RFXANK: variants seen among roughly 807,000 people sequenced by gnomAD.
RFXANK encodes DNA-binding protein RFXANK.
A neutral mutation model predicts 34.5 loss-of-function variants in RFXANK; 19 were observed. The observed-to-expected ratio is 0.55, with a 90% CI of 0.38 to 0.81. The LOEUF (loss-of-function observed/expected upper bound fraction) is 0.81. RFXANK is among the 30% of genes least tolerant of loss of function. RFXANK has a pLI of 0.00. For synonymous variants in RFXANK, 154 were observed against 149.8 expected, an observed-to-expected ratio of 1.03 and a Z score of -0.20; for missense variants, 295 against 343.5, an observed-to-expected ratio of 0.86 and a Z score of 1.12.
chr19:19,192,405 C>A lies in RFXANK; in HGVS notation c.-299C>A. On this transcript the variant is annotated 5_prime_UTR_variant, in exon 1 of 10. Coordinates refer to ENST00000303088, the MANE Select transcript of RFXANK (RefSeq NM_003721.4). ...GAAGAACTCTCTCCCTTTCTGAACC[C>A]CCTTTTCCTTGAGAGACGAGTTGGG... The A allele has an allele frequency of 1.8e-6, 1 of 541,712 alleles. No individual in the cohort carries two copies. Among genetic ancestry groups the A allele is most frequent in the Non-Finnish European group, 3.3e-6 (1 of 301,912 alleles). 33.6% of individuals were successfully genotyped at this position (541,712 alleles called of 1,614,324 possible).
intron 9 of RFXANK, 173 bp from the exon 10 acceptor site, chr19:19,201,476 A>AG: frequency 6.3e-7 from 1 of 1,579,712 alleles, no homozygotes; most frequent in Non-Finnish European, 8.5e-7. Context: ...TTACAAACTT[A>AG]GGGGAAGTTG....
intron 9 of RFXANK, among the ~76,000 whole-genome samples, chr19:19,201,237 G>A (rs1265666048): frequency 6.6e-6 from 1 of 152,110 alleles, no homozygotes; most frequent in Non-Finnish European, 1.5e-5. Context: ...ACCAAGCCCA[G>A]CCTAATTTTT....
In RFXANK at chr19:19,197,550, C is replaced by T. The variant is rs775003911; in HGVS notation, c.367C>T (p.Arg123Cys). ...GDNLVNKPDE[R>C]GFTPLIWASA... ...CAACCTCGTCAACAAGCCAGACGAGCGCGGCTTCACCCCCCTCATCTGGGC... is the reference window on the plus strand; with the variant it reads ...CAACCTCGTCAACAAGCCAGACGAGTGCGGCTTCACCCCCCTCATCTGGGC... The change falls in exon 6 of 10, where the codon CGC (arginine) becomes TGC (cysteine). Residue 123 changes from arginine to cysteine, a missense_variant. Physicochemically the swap from Arg to Cys is radical, Grantham distance 180. Transcript: ENST00000303088. The T allele has an allele frequency of 9.3e-6, 15 of 1,613,790 alleles. No homozygotes were observed. Among genetic ancestry groups the T allele is most frequent in the Middle Eastern group, 1.6e-4 (1 of 6,084 alleles).
In RFXANK at chr19:19,197,220, G is replaced by A; in HGVS notation, c.306G>A (p.Glu102=). 1 of 1,613,524 alleles carries A rather than the reference G, an allele frequency of 6.2e-7. No homozygotes were observed. Among genetic ancestry groups the A allele is most frequent in the Non-Finnish European group, 8.5e-7 (1 of 1,180,040 alleles). The change falls in exon 5 of 10, where the codon GAG becomes GAA. Residue 102 remains glutamate, a synonymous_variant. Transcript: ENST00000303088. ...LSIHQLAAQG[E]LDQLKEHLRK... is the part of the protein sequence containing the mutation. Reference sequence around the variant, plus strand: ...TCCACCAGCTCGCAGCACAGGGGGAGCTGGACCAGCTGAAGGAGCATTTGC... The same window carrying A: ...TCCACCAGCTCGCAGCACAGGGGGAACTGGACCAGCTGAAGGAGCATTTGC...
At chr19:19,198,804 C>T in intron 8 of RFXANK, 81 bp downstream of exon 8, 1 of 1,391,802 alleles carries the variant, frequency 7.2e-7, no homozygotes, top group Non-Finnish European at 1.0e-6. Context: ...GGGAGACGCC[C>T]AAGTGTTGCT....
rs1281160282 is a variant in RFXANK, at chr19:19,201,634, C to T, written c.713-15C>T. ...ATTCAAGCTCACAGCCCACCTTTTC[C>T]CTGCCCCATCTCAGTGCAACAGGTG... is the stretch of plus-strand genomic sequence containing the variant. On this transcript the variant is annotated splice_polypyrimidine_tract_variant and intron_variant, in intron 9 of 9. Transcript: ENST00000303088. The T allele has an allele frequency of 1.2e-6, 2 of 1,613,948 alleles. No individual in the cohort carries two copies. The highest frequency in any genetic ancestry group is 1.3e-5 in the African/African-American group (1 of 74,926).
At chr19:19,198,262 C>T in intron 7 of RFXANK, 30 bp downstream of exon 7, 1 of 1,613,748 alleles carries the variant, frequency 6.2e-7, no homozygotes, top group Non-Finnish European at 8.5e-7. Context: ...CAGGACCTCT[C>T]AGCCTCCTGG....
intron 9 of RFXANK, 102 bp downstream of exon 9, chr19:19,199,336 C>T (rs2060657291): frequency 1.6e-5 from 18 of 1,144,184 alleles, no homozygotes; most frequent in Admixed American, 3.4e-5. Flanking sequence ...ACGCCGGCAG[C>T]GAGAGTGTGT....
chr19:19,201,735 G>A lies in RFXANK; in HGVS notation c.*16G>A, dbSNP rs370507391. 36 of 1,613,678 alleles carry A rather than the reference G, an allele frequency of 2.2e-5. No homozygotes were observed. Among genetic ancestry groups the A allele is most frequent in the Admixed American group, 1.0e-4 (6 of 60,010 alleles). On this transcript the variant is annotated 3_prime_UTR_variant, in exon 10 of 10. Transcript: ENST00000303088. The stretch of plus-strand genomic sequence containing the variant: ...CCCTGAGTGAAGGCCGCCTGCCGGG[G>A]ACTCAGACACTCAGGGAACAAAATG...
chr19:19,196,437 C>T (rs562589623), intron 3 of RFXANK, among the ~76,000 whole-genome samples: 159 of 151,990 alleles, frequency 1.0e-3, no homozygotes, highest in African/African-American at 3.7e-3. Flanking sequence ...ATGGTGGCAC[C>T]TGTAGTTTCA....
At chr19:19,196,014 T>C (rs1356147105) in intron 3 of RFXANK, among the ~76,000 whole-genome samples, 1 of 151,710 alleles carries the variant, frequency 6.6e-6, no homozygotes, top group African/African-American at 2.4e-5. Flanking sequence ...AGTGCTGGGA[T>C]TACAGGCATG....
chr19:19,192,297 G>A lies in RFXANK; in HGVS notation c.-407G>A, dbSNP rs1212894732. On this transcript the variant is annotated 5_prime_UTR_variant, in exon 1 of 10. Coordinates refer to ENST00000303088, the MANE Select transcript of RFXANK (RefSeq NM_003721.4). ...AAGGGGCTGTGTGAGACGCAGGGAA[G>A]GAGGCACACCCGGGGGTGGCGCAGT... 1.3e-6 allele frequency: 1 copy of A among 788,562 alleles called. No homozygotes were observed. Among genetic ancestry groups the A allele is most frequent in the African/African-American group, 1.7e-5 (1 of 57,482 alleles). The allele number at this position is 788,562 out of a possible 1,614,324, so 48.8% of individuals were successfully genotyped here. A position where few individuals can be genotyped will look rare whatever the true frequency, so the allele number is the denominator to read the frequency against.
chr19:19,197,032 C>T lies in RFXANK; in HGVS notation c.257C>T (p.Pro86Leu), dbSNP rs545211228. The stretch of plus-strand genomic sequence containing the variant: ...CGAGGGAACGAGGTGTCAGCTCTGC[C>T]GGCCACCCTAGACTGTGAGTGGGCC... ...RQRGNEVSALPATLDSLSIHQ... is the reference protein window; with the variant it reads ...RQRGNEVSALLATLDSLSIHQ... Residue 86 changes from proline to leucine, a missense_variant, in exon 4 of 10, where the codon CCG (proline) becomes CTG (leucine). By Grantham distance (98) the Pro-to-Leu change is moderately conservative. Transcript: ENST00000303088. 52 of 1,613,562 alleles carry T rather than the reference C, an allele frequency of 3.2e-5. No homozygotes were observed. In the East Asian group the frequency reaches 3.3e-4, roughly 10 times the overall value.
At position 19,198,091 on chromosome 19, in the gene RFXANK, C is replaced by G; in HGVS notation, c.439-16C>G. 6.2e-7 allele frequency: 1 copy of G among 1,612,960 alleles called. No individual in the cohort carries two copies. Among genetic ancestry groups the G allele is most frequent in the African/African-American group, 1.3e-5 (1 of 75,016 alleles). On this transcript the variant is annotated splice_polypyrimidine_tract_variant and intron_variant, in intron 6 of 9. Transcript: ENST00000303088. ...GCCCCAATCCATCCTACCACTGTCCCTTCTTCTCCCTGCAGGGTGCCGACC... is the reference window on the plus strand; with the variant it reads ...GCCCCAATCCATCCTACCACTGTCCGTTCTTCTCCCTGCAGGGTGCCGACC...
At position 19,197,506 on chromosome 19, in the gene RFXANK, G is replaced by A. The variant is rs750773472; in HGVS notation, c.338-15G>A. On this transcript the variant is annotated splice_polypyrimidine_tract_variant and intron_variant, in intron 5 of 9. Transcript: ENST00000303088. The stretch of plus-strand genomic sequence containing the variant: ...GGGGTGCAGCCTGGTGGTATTGCCC[G>A]CCTCCTCCTGCCAGGTGACAACCTC... The A allele has an allele frequency of 4.3e-5, 70 of 1,612,158 alleles. No individual in the cohort carries two copies. Among genetic ancestry groups the A allele is most frequent in the Non-Finnish European group, 5.8e-5 (68 of 1,179,204 alleles).
rs934864890 is a variant in RFXANK at position 19,198,342 on chromosome 19, C to T, written c.564+110C>T. On this transcript the variant is annotated intron_variant, in intron 7 of 9. Transcript: ENST00000303088. ...AGGCCTGCTCTAGGTGCCGAGAACA[C>T]GAGACAGCCCCATTCCCAGCCTCAC... is the stretch of plus-strand genomic sequence containing the variant. 25 of 1,485,732 alleles carry T rather than the reference C, an allele frequency of 1.7e-5. No individual in the cohort carries two copies. In the East Asian group the frequency reaches 2.9e-4, roughly 17 times the overall value. The allele number at this position is 1,485,732 out of a possible 1,614,324, so 92.0% of individuals were successfully genotyped here.
At chr19:19,198,594 C>G in intron 7 of RFXANK, 63 bp from the exon 8 acceptor site, 2 of 1,574,998 alleles carry the variant, frequency 1.3e-6, no homozygotes, top group Non-Finnish European at 1.7e-6. Flanking sequence ...CCAGAGAGTA[C>G]AAGGCATTTT....
chr19:19,194,129 A>G lies in RFXANK; in HGVS notation c.183A>G (p.Pro61=), dbSNP rs1256876539. ...NPEPDASVSS[P]QAGSSLKHST... Reference sequence around the variant, plus strand: ...AACCGGATGCCAGTGTTTCCTCTCCACAGGGTAGGATACCTCCTCTGGGAT... The same window carrying G: ...AACCGGATGCCAGTGTTTCCTCTCCGCAGGGTAGGATACCTCCTCTGGGAT... Residue 61 remains proline, a synonymous_variant, in exon 3 of 10, where the codon CCA becomes CCG. Transcript: ENST00000303088. The G allele has an allele frequency of 4.3e-6, 7 of 1,613,974 alleles. No homozygotes were observed. The highest frequency in any genetic ancestry group is 5.9e-6 in the Non-Finnish European group (7 of 1,179,962).
rs780122862 is a variant in RFXANK at position 19,199,229 on chromosome 19, G to A, written c.707G>A (p.Arg236Gln). The change falls in exon 9 of 10, where the codon CGG (arginine) becomes CAG (glutamine). Residue 236 changes from arginine to glutamine, a missense_variant. Physicochemically the swap from Arg to Gln is conservative, Grantham distance 43 (BLOSUM62 1). Coordinates refer to ENST00000303088, the MANE Select transcript of RFXANK (RefSeq NM_003721.4). ...GACCTTGCCGTGGCCCTGGGATACC[G>A]GAAAGGTCAGCCTGAGACACACAGA... The part of the protein sequence containing the change: ...PMDLAVALGY[R>Q]KVQQVIENHI... 1.1e-5 allele frequency: 18 copies of A among 1,613,960 alleles called. No homozygotes were observed. The highest frequency in any genetic ancestry group is 1.4e-5 in the Non-Finnish European group (17 of 1,180,022).
Sources: allele counts gnomAD v4.1 joint callset (sites outside exome capture counted in the v4.1 genomes callset), GRCh38; gene constraint gnomAD v4.1.1; transcripts MANE v1.5; gene names NCBI Gene and HGNC (gene_info 2026-07-23, HGNC 2026-07-21).